The following FIGN variants were observed in gnomAD, a reference collection of about 807,000 sequenced individuals.
The protein encoded by FIGN is fidgetin, microtubule severing factor.
Under a neutral mutation model 51.3 loss-of-function variants are expected in FIGN, and 11 were observed. The observed-to-expected ratio is 0.21, with a 90% CI of 0.13 to 0.35. The LOEUF is 0.35. FIGN is among the 10% of genes least tolerant of loss of function. The pLI is 1.00. For synonymous variants in FIGN, 407 were observed against 363.2 expected (o/e 1.12, Z -1.37); for missense variants, 857 against 943.6 (o/e 0.91, Z 1.20).
chr2:163,715,342 A>G lies in FIGN; in HGVS notation c.25+19561T>C, dbSNP rs1573968471. On this transcript the variant is annotated intron_variant, in intron 2 of 2. Coordinates refer to ENST00000333129, the MANE Select transcript of FIGN (RefSeq NM_018086.4). ...AGGGGGGATTTGAACTCACACACCAATGTGGGGAGATTCGGGATTTTGAGC... is the reference window on the plus strand; with the variant it reads ...AGGGGGGATTTGAACTCACACACCAGTGTGGGGAGATTCGGGATTTTGAGC... Among the ~76,000 whole-genome samples the G allele has an allele frequency of 3.3e-5, 5 of 152,268 alleles. No homozygotes were observed. In the South Asian group the frequency reaches 1.0e-3, roughly 32 times the overall value.
intron 2 of FIGN, among the ~76,000 whole-genome samples, chr2:163,731,351 T>C (rs1339229274): frequency 6.6e-6 from 1 of 152,184 alleles, no homozygotes; most frequent in Non-Finnish European, 1.5e-5. Flanking sequence ...AAATGCAAAG[T>C]AATAATACAG....
chr2:163,661,233 TTTATTA>T (rs553682652), intron 2 of FIGN, among the ~76,000 whole-genome samples: 1 of 150,538 alleles, frequency 6.6e-6, no homozygotes, highest in Non-Finnish European at 1.5e-5. Flanking sequence ...TGATTATTTA[TTTATTA>T]TTATTATTAT....
intron 2 of FIGN, among the ~76,000 whole-genome samples, chr2:163,668,449 A>G (rs1391311876): frequency 1.3e-5 from 2 of 152,152 alleles, no homozygotes; most frequent in Non-Finnish European, 2.9e-5. Context: ...ATAAGATAAA[A>G]TATTCAATTT....
chr2:163,632,813 T>A (rs1683168127), intron 2 of FIGN, among the ~76,000 whole-genome samples: 2 of 152,124 alleles, frequency 1.3e-5, no homozygotes, highest in Non-Finnish European at 2.9e-5. Context: ...TGCTCTCTGA[T>A]CCTTTCACTA....
intron 2 of FIGN, among the ~76,000 whole-genome samples, chr2:163,649,269 A>G (rs1405010829): frequency 1.3e-5 from 2 of 152,172 alleles, no homozygotes; most frequent in African/African-American, 4.8e-5. Flanking sequence ...TACTCCTCAG[A>G]TATTTTTTAG....
At chr2:163,612,785 AAGAG>A (rs147434594) in intron 2 of FIGN, among the ~76,000 whole-genome samples, 136 of 144,194 alleles carry the variant, frequency 9.4e-4, no homozygotes, top group Middle Eastern at 3.6e-3. Context: ...ATGAGAGAGA[AAGAG>A]AGAGAGAGAG....
chr2:163,683,599 C>T (rs1684099237), intron 2 of FIGN, among the ~76,000 whole-genome samples: 1 of 152,120 alleles, frequency 6.6e-6, no homozygotes, highest in Non-Finnish European at 1.5e-5. Flanking sequence ...TATGGTACTA[C>T]AGATAGATAT....
chr2:163,647,941 A>G (rs1413055326), intron 2 of FIGN, among the ~76,000 whole-genome samples: 9 of 152,132 alleles, frequency 5.9e-5, no homozygotes, highest in African/African-American at 9.6e-5. Flanking sequence ...GATAGGAGAC[A>G]AGGTGTAATA....
intron 2 of FIGN, among the ~76,000 whole-genome samples, chr2:163,709,519 A>T (rs1023562309): frequency 6.6e-6 from 1 of 152,112 alleles, no homozygotes; most frequent in Non-Finnish European, 1.5e-5. Context: ...CTGGAGAAAG[A>T]CCAAAGGTTT....
chr2:163,654,430 T>C (rs1683527035), intron 2 of FIGN, among the ~76,000 whole-genome samples: 1 of 152,154 alleles, frequency 6.6e-6, no homozygotes, highest in South Asian at 2.1e-4. Context: ...GTTGACATAC[T>C]AATCAGGTTT....
At chr2:163,732,152 AC>A (rs1684940776) in intron 2 of FIGN, among the ~76,000 whole-genome samples, 1 of 152,302 alleles carries the variant, frequency 6.6e-6, no homozygotes, top group East Asian at 1.9e-4. Flanking sequence ...AATGCATACA[AC>A]ATATTCATTA....
At chr2:163,673,354 C>T (rs1249602602) in intron 2 of FIGN, among the ~76,000 whole-genome samples, 1 of 152,098 alleles carries the variant, frequency 6.6e-6, no homozygotes, top group African/African-American at 2.4e-5. Context: ...ACAGCTGATT[C>T]TCTTCTGGAC....
intron 2 of FIGN, among the ~76,000 whole-genome samples, chr2:163,665,622 C>CA (rs998979380): frequency 1.3e-5 from 2 of 152,036 alleles, no homozygotes; most frequent in Admixed American, 6.5e-5. Context: ...CCAAAGATGA[C>CA]AAAAAAATTG....
At chr2:163,716,495 T>C (rs894767361) in intron 2 of FIGN, among the ~76,000 whole-genome samples, 4 of 152,148 alleles carry the variant, frequency 2.6e-5, no homozygotes, top group Non-Finnish European at 5.9e-5. Context: ...TCCCTACCAT[T>C]AGCTTTTAGG....
At chr2:163,618,745 T>C (rs751485536) in intron 2 of FIGN, among the ~76,000 whole-genome samples, 11 of 152,140 alleles carry the variant, frequency 7.2e-5, no homozygotes, top group Non-Finnish European at 1.5e-4. Context: ...CTTTCCACTT[T>C]GTCATGGTGC....
intron 2 of FIGN, among the ~76,000 whole-genome samples, chr2:163,629,580 C>T (rs998142648): frequency 9.9e-5 from 15 of 152,024 alleles, no homozygotes; most frequent in African/African-American, 2.7e-4. Context: ...CAGTAAACTA[C>T]GTCAAATCTA....
At chr2:163,681,295 G>A (rs1684057850) in intron 2 of FIGN, among the ~76,000 whole-genome samples, 2 of 152,152 alleles carry the variant, frequency 1.3e-5, no homozygotes. Context: ...TAATGCATAG[G>A]CTGGAATGGT....
In FIGN at chr2:163,660,026, G is replaced by A. The variant is rs187622060; in HGVS notation, c.26-48220C>T. On this transcript the variant is annotated intron_variant, in intron 2 of 2. Transcript: ENST00000333129. ...TGAGGCATGAGAAGAGCTTGAACCC[G>A]GGAGGCAGAGGCTGCAATGAGTCAA... Among the ~76,000 whole-genome samples the A allele has an allele frequency of 1.6e-3, 236 of 152,062 alleles. 4 individuals are homozygous for A. In the Middle Eastern group the frequency reaches 0.031, roughly 20 times the overall value.
chr2:163,674,783 T>C (rs1170704889), intron 2 of FIGN, among the ~76,000 whole-genome samples: 1 of 152,120 alleles, frequency 6.6e-6, no homozygotes, highest in Admixed American at 6.6e-5. Flanking sequence ...AATTGCATGA[T>C]CATCACATGT....
Sources: allele counts gnomAD v4.1 joint callset (sites outside exome capture counted in the v4.1 genomes callset), GRCh38; gene constraint gnomAD v4.1.1; transcripts MANE v1.5; gene names NCBI Gene and HGNC (gene_info 2026-07-23, HGNC 2026-07-21).